The following ANKS1A variants were observed in gnomAD, a reference collection of about 807,000 sequenced individuals.
ANKS1A encodes ankyrin repeat and SAM domain-containing protein 1A.
ANKS1A carries 55 observed loss-of-function variants against 120.3 expected under a neutral mutation model. The observed-to-expected ratio is 0.46, with a 90% CI of 0.37 to 0.57. ANKS1A has a LOEUF of 0.57. ANKS1A is among the 20% of genes least tolerant of loss of function. The pLI is 0.00. For synonymous variants in ANKS1A, 590 were observed against 604.7 expected (o/e 0.98, Z 0.36); for missense variants, 1,123 against 1,480.3 (o/e 0.76, Z 3.96).
chr6:34,957,107 T>C (rs191551939), intron 1 of ANKS1A, among the ~76,000 whole-genome samples: 1 of 152,348 alleles, frequency 6.6e-6, no homozygotes, highest in East Asian at 1.9e-4. Flanking sequence ...TCAAAAAGGA[T>C]CAACATTTTA....
chr6:34,890,416 C>T (rs1766754119), intron 1 of ANKS1A, among the ~76,000 whole-genome samples: 1 of 152,192 alleles, frequency 6.6e-6, no homozygotes, highest in Non-Finnish European at 1.5e-5. Flanking sequence ...TTAAAATTGC[C>T]TCTGGATGTA....
In ANKS1A at chr6:35,078,808, C is replaced by A; in HGVS notation, c.2283+152C>A. ...CCTCACCCTAGGAGCTCCGGAAGGG[C>A]CGCACACAACCCTGTTTGCTTCCTC... On this transcript the variant is annotated intron_variant, in intron 14 of 23. Coordinates refer to ENST00000360359, the MANE Select transcript of ANKS1A (RefSeq NM_015245.3). The A allele has an allele frequency of 1.4e-5, 10 of 693,052 alleles. 1 individual carries two copies. The South Asian group carries it at 1.8e-4, about 12-fold the overall frequency. The allele number at this position is 693,052 out of a possible 1,614,324, so 42.9% of individuals were successfully genotyped here. A position where few individuals can be genotyped will look rare whatever the true frequency, so the allele number is the denominator to read the frequency against.
intron 1 of ANKS1A, among the ~76,000 whole-genome samples, chr6:34,946,353 C>T (rs556322288): frequency 1.3e-5 from 2 of 151,770 alleles, no homozygotes; most frequent in African/African-American, 2.4e-5. Flanking sequence ...TTTGGGAGGC[C>T]GAGGCGGGCA....
intron 1 of ANKS1A, among the ~76,000 whole-genome samples, chr6:34,921,268 A>G (rs193190713): frequency 6.6e-6 from 1 of 152,346 alleles, no homozygotes; most frequent in Non-Finnish European, 1.5e-5. Flanking sequence ...GGGTCAAATC[A>G]TAGTCTCTTC....
At chr6:35,035,591 C>T (rs997706179) in intron 11 of ANKS1A, among the ~76,000 whole-genome samples, 7 of 152,202 alleles carry the variant, frequency 4.6e-5, no homozygotes, top group African/African-American at 1.7e-4. Flanking sequence ...TTTCCACCCT[C>T]ATGTCACATT....
chr6:35,058,997 G>A lies in ANKS1A; in HGVS notation c.2078-1150G>A, dbSNP rs820087. 0.4 allele frequency among the ~76,000 whole-genome samples: 61,305 copies of A among 151,852 alleles called. 12,684 individuals are homozygous for A. The highest frequency in any genetic ancestry group is 0.61 in the East Asian group (3,153 of 5,136). The stretch of plus-strand genomic sequence containing the variant: ...ATCACTCAGCCAAAGAGAGAACAGC[G>A]CAGGACGTGAATAGACTTAAGCCGC... On this transcript the variant is annotated intron_variant, in intron 12 of 23. Coordinates refer to ENST00000360359, the MANE Select transcript of ANKS1A (RefSeq NM_015245.3). This position sits in a 1 kb window ranked among gnomAD's most constrained non-coding sequence, Gnocchi z 5.1.
rs1368940431 is a variant in ANKS1A at position 34,889,762 on chromosome 6, G to T, written c.197+163G>T. 6.6e-6 allele frequency among the ~76,000 whole-genome samples: 1 copy of T among 151,960 alleles called. No homozygotes were observed. The highest frequency in any genetic ancestry group is 2.4e-5 in the African/African-American group (1 of 41,396). ...CGCGGGCCAGGGTACCGGAGGGCGC[G>T]CAGGTCCGAGTCCACGCTGCTCCGG... is the stretch of plus-strand genomic sequence containing the variant. On this transcript the variant is annotated intron_variant, in intron 1 of 23. Transcript: ENST00000360359. The surrounding 1 kb of genome is among the most constrained non-coding windows in gnomAD (Gnocchi z 5.5).
intron 23 of ANKS1A, 59 bp downstream of exon 23, chr6:35,087,108 C>A: frequency 1.3e-6 from 2 of 1,504,048 alleles, no homozygotes; most frequent in African/African-American, 1.4e-5. Flanking sequence ...TCTCACTGTG[C>A]CTTTGCCATC....
rs1439661345 is a variant in ANKS1A at position 35,050,955 on chromosome 6, T to C, written c.2011-3144T>C. ...TTAGCCATGGCAGTTCACAGAACAA[T>C]AGAACAACTTCCTAGCCTGGGCAAA... On this transcript the variant is annotated intron_variant, in intron 11 of 23. Transcript: ENST00000360359. The surrounding 1 kb of genome is among the most constrained non-coding windows in gnomAD (Gnocchi z 4.3). Among the ~76,000 whole-genome samples the C allele has an allele frequency of 5.9e-5, 9 of 152,104 alleles. No individual in the cohort carries two copies. Among genetic ancestry groups the C allele is most frequent in the African/African-American group, 1.4e-4 (6 of 41,400 alleles).
At chr6:34,945,367 C>T (rs140353615) in intron 1 of ANKS1A, among the ~76,000 whole-genome samples, 39 of 152,236 alleles carry the variant, frequency 2.6e-4, no homozygotes, top group African/African-American at 9.1e-4. Flanking sequence ...TGTGAGCCAC[C>T]GCACCTGACC....
Position 35,086,809 on chromosome 6 carries a change from G to A in ANKS1A, c.3304-143G>A, listed in dbSNP as rs1744606696. ...GTGTCCCTCCTCCGCCTGCCCCCAG[G>A]GGCCTGCTCTTTGGCCGAGGAGAAT... On this transcript the variant is annotated intron_variant, in intron 22 of 23. Coordinates refer to ENST00000360359, the MANE Select transcript of ANKS1A (RefSeq NM_015245.3). This position sits in a 1 kb window ranked among gnomAD's most constrained non-coding sequence, Gnocchi z 5.1. The A allele has an allele frequency of 3.7e-6, 3 of 806,056 alleles. No homozygotes were observed. Among genetic ancestry groups the A allele is most frequent in the Non-Finnish European group, 6.2e-6 (3 of 487,790 alleles). 49.9% of individuals were successfully genotyped at this position (806,056 alleles called of 1,614,324 possible).
intron 1 of ANKS1A, among the ~76,000 whole-genome samples, chr6:34,931,688 G>A (rs1768988435): frequency 6.6e-6 from 1 of 152,144 alleles, no homozygotes; most frequent in Non-Finnish European, 1.5e-5. Context: ...CCAGTCTAGG[G>A]CAAGGGAGGA....
At chr6:34,988,045 T>A (rs1247536557) in intron 8 of ANKS1A, among the ~76,000 whole-genome samples, 1 of 152,268 alleles carries the variant, frequency 6.6e-6, no homozygotes, top group African/African-American at 2.4e-5. Context: ...GATCATCCTG[T>A]GTCTTCCTGA....
intron 8 of ANKS1A, 134 bp downstream of exon 8, chr6:34,985,412 C>G (rs1441813689): frequency 6.2e-6 from 5 of 803,334 alleles, no homozygotes; most frequent in Non-Finnish European, 9.7e-6. Flanking sequence ...CACTTATTCT[C>G]TTCTTCATGG....
chr6:35,070,858 T>A (rs1326809340), intron 13 of ANKS1A: 2 of 608,730 alleles, frequency 3.3e-6, no homozygotes, highest in Non-Finnish European at 6.1e-6. Flanking sequence ...GCGCCAAAGA[T>A]TTATTTCTTC....
chr6:35,027,548 G>T (rs567226971), intron 11 of ANKS1A, among the ~76,000 whole-genome samples: 1 of 152,304 alleles, frequency 6.6e-6, no homozygotes, highest in African/African-American at 2.4e-5. Context: ...GGTCAGAGTG[G>T]CAGCCAGATG....
intron 11 of ANKS1A, among the ~76,000 whole-genome samples, chr6:35,020,495 C>A (rs1225722387): frequency 6.6e-6 from 1 of 152,138 alleles, no homozygotes; most frequent in African/African-American, 2.4e-5. Context: ...AAGGCAGTAT[C>A]TCAGAATCCT....
chr6:34,976,671 T>G (rs912025977), intron 3 of ANKS1A, among the ~76,000 whole-genome samples: 2 of 152,082 alleles, frequency 1.3e-5, no homozygotes, highest in African/African-American at 4.8e-5. Context: ...AAAAAAAACT[T>G]GTAACTTAAA....
At chr6:34,900,578 A>G (rs561785746) in intron 1 of ANKS1A, among the ~76,000 whole-genome samples, 1 of 152,074 alleles carries the variant, frequency 6.6e-6, no homozygotes, top group Non-Finnish European at 1.5e-5. Flanking sequence ...AGCATGAGCC[A>G]CCACACCTGG....
Sources: gnomAD v4.1 joint callset for allele counts (sites outside exome capture counted in the v4.1 genomes callset) on GRCh38, gnomAD v4.1.1 for gene constraint, Gnocchi (gnomAD v3.1) non-coding constraint, MANE v1.5 for transcripts, NCBI Gene and HGNC (gene_info 2026-07-23, HGNC 2026-07-21) for gene names.